The following DYNC2I1 variants were observed in gnomAD, a reference collection of about 807,000 sequenced individuals.
The protein encoded by DYNC2I1 is dynein 2 intermediate chain 1.
DYNC2I1 carries 89 observed loss-of-function variants against 133.4 expected under a neutral mutation model. That is an observed-to-expected ratio of 0.67 (90% CI 0.56 to 0.80). DYNC2I1 has a LOEUF of 0.80. DYNC2I1 is among the 30% of genes least tolerant of loss of function. DYNC2I1 has a pLI of 0.00. For missense variants in DYNC2I1, 1,291 were observed against 1,314.5 expected (o/e 0.98, Z 0.28); for synonymous variants, 504 against 484.3 (o/e 1.04, Z -0.54).
At chr7:158,878,614 C>CA (rs1843635863) in intron 4 of DYNC2I1, among the ~76,000 whole-genome samples, 1 of 109,230 alleles carries the variant, frequency 9.2e-6, no homozygotes, top group African/African-American at 3.6e-5. Context: ...CTGTGAATGC[C>CA]GGGTGCCATG....
intron 6 of DYNC2I1, among the ~76,000 whole-genome samples, chr7:158,885,846 T>G (rs1844545819): frequency 6.6e-6 from 1 of 152,134 alleles, no homozygotes; most frequent in Admixed American, 6.5e-5. Flanking sequence ...AGACTTTTTT[T>G]GCTCAATTCT....
chr7:158,858,491 C>A (rs1192509794), intron 1 of DYNC2I1, among the ~76,000 whole-genome samples: 1 of 152,140 alleles, frequency 6.6e-6, no homozygotes, highest in Non-Finnish European at 1.5e-5. Flanking sequence ...TGGACCATGT[C>A]TTTCATAAAT....
In DYNC2I1 at chr7:158,902,589, A is replaced by G. The variant is rs1006182282; in HGVS notation, c.1351A>G (p.Arg451Gly). 5 of 1,613,338 alleles carry G rather than the reference A, an allele frequency of 3.1e-6. No individual in the cohort carries two copies. Among genetic ancestry groups the G allele is most frequent in the Admixed American group, 1.7e-5 (1 of 59,826 alleles). Residue 451 changes from arginine to glycine, a missense_variant, in exon 10 of 25, where the codon AGG (arginine) becomes GGG (glycine). By Grantham distance (125) the Arg-to-Gly change is moderately radical. Transcript: ENST00000407559. ...TAGAACAGAATTTGAAAAGGAGCCC[A>G]GGACAGGTAAACAAATCAATGCTAC... ...RGRTEFEKEP[R>G]TDTNSSPSRA...
intron 8 of DYNC2I1, among the ~76,000 whole-genome samples, chr7:158,897,064 G>C (rs1309270539): frequency 6.7e-6 from 1 of 150,114 alleles, no homozygotes; most frequent in Non-Finnish European, 1.5e-5. Context: ...GATCGCTGCA[G>C]CCTCCACCTC....
intron 14 of DYNC2I1, among the ~76,000 whole-genome samples, chr7:158,916,914 A>G (rs1427814589): frequency 7.1e-5 from 6 of 84,486 alleles, no homozygotes; most frequent in African/African-American, 2.5e-4. Context: ...GGTGGTTGAG[A>G]TTAAGGATGA....
chr7:158,849,799 G>A, the DYNC2I1 span, among the ~76,000 whole-genome samples: 1 of 152,210 alleles, frequency 6.6e-6, no homozygotes, highest in African/African-American at 2.4e-5. Context: ...GCCCTGCTCT[G>A]GCTGAGCCCA....
chr7:158,887,198 C>A, intron 7 of DYNC2I1, 123 bp downstream of exon 7: 2 of 935,708 alleles, frequency 2.1e-6, no homozygotes, highest in South Asian at 3.0e-5. Context: ...ATGGTTTATT[C>A]GAGTGGTGAT....
At chr7:158,928,700 C>A (rs1849874218) in intron 20 of DYNC2I1, among the ~76,000 whole-genome samples, 1 of 152,064 alleles carries the variant, frequency 6.6e-6, no homozygotes, top group Admixed American at 6.6e-5. Flanking sequence ...GCTAGGGAGC[C>A]TGGGCAGGGG....
the DYNC2I1 span, among the ~76,000 whole-genome samples, chr7:158,840,279 G>A: frequency 2.0e-5 from 3 of 151,938 alleles, no homozygotes; most frequent in Non-Finnish European, 2.9e-5. Context: ...AAGAAAAAAT[G>A]GTTTTGGCCG....
chr7:158,917,173 G>C (rs1848464307), intron 14 of DYNC2I1, among the ~76,000 whole-genome samples: 1 of 141,662 alleles, frequency 7.1e-6, no homozygotes, highest in Non-Finnish European at 1.5e-5. Flanking sequence ...TTGACACGTG[G>C]TTGACATTAA....
chr7:158,908,155 G>A (rs1206925113), intron 11 of DYNC2I1, among the ~76,000 whole-genome samples: 3 of 151,998 alleles, frequency 2.0e-5, no homozygotes, highest in Non-Finnish European at 2.9e-5. Flanking sequence ...GCATTTGTGT[G>A]TTGTAAGGAA....
Position 158,930,813 on chromosome 7 carries a change from G to A in DYNC2I1, c.2546+298G>A, listed in dbSNP as rs186741323. On this transcript the variant is annotated intron_variant, in intron 21 of 24. Coordinates refer to ENST00000407559, the MANE Select transcript of DYNC2I1 (RefSeq NM_018051.5). ...CTTCTGAGTAGCTGGGATTACAGGCGCCTGCCACCGTGCCCGGCTAATTTT... is the reference window on the plus strand; with the variant it reads ...CTTCTGAGTAGCTGGGATTACAGGCACCTGCCACCGTGCCCGGCTAATTTT... 6.9e-3 allele frequency among the ~76,000 whole-genome samples: 1,048 copies of A among 152,084 alleles called. 10 individuals are homozygous for A. The highest frequency in any genetic ancestry group is 0.024 in the African/African-American group (988 of 41,462).
Position 158,924,391 on chromosome 7 carries a change from A to G in DYNC2I1, c.2257+658A>G, listed in dbSNP as rs541753802. ...GTAGGGGTTGGGGCGCTGTGGACTG[A>G]AGGTGCAGGCCGAGGTCATCACTCA... On this transcript the variant is annotated intron_variant, in intron 17 of 24. Transcript: ENST00000407559. Among the ~76,000 whole-genome samples the G allele has an allele frequency of 2.0e-5, 3 of 152,322 alleles. No homozygotes were observed. The South Asian group carries it at 6.2e-4, about 32-fold the overall frequency.
intron 15 of DYNC2I1, among the ~76,000 whole-genome samples, chr7:158,919,714 C>T (rs985488238): frequency 1.3e-5 from 2 of 152,214 alleles, no homozygotes; most frequent in African/African-American, 4.8e-5. Context: ...TGTCTTTTAA[C>T]GTTAACAAAA....
At chr7:158,852,149 G>A (rs1284653745), upstream of DYNC2I1, among the ~76,000 whole-genome samples, 19 of 151,384 alleles carry the variant, frequency 1.3e-4, no homozygotes, top group Non-Finnish European at 4.4e-5. Flanking sequence ...TTTCTTAGAT[G>A]GAGTTTTGCT....
chr7:158,903,735 A>G (rs1846469087), intron 10 of DYNC2I1: 1 of 152,234 alleles, frequency 6.6e-6, no homozygotes, highest in Non-Finnish European at 1.5e-5. Context: ...CCACCAGCAC[A>G]CAGGATTTCC....
At chr7:158,908,077 G>A (rs1289181986) in intron 11 of DYNC2I1, among the ~76,000 whole-genome samples, 1 of 151,702 alleles carries the variant, frequency 6.6e-6, no homozygotes, top group Non-Finnish European at 1.5e-5. Flanking sequence ...AGGGATTGAT[G>A]ATAAATAAAA....
chr7:158,955,718 T>TC (rs1330808597), intron 4 of DYNC2I1, among the ~76,000 whole-genome samples: 1 of 152,168 alleles, frequency 6.6e-6, no homozygotes, highest in Admixed American at 6.5e-5. Context: ...GCCCGTGAGT[T>TC]CCCCACAGCA....
chr7:158,927,080 C>CT (rs1277280698), intron 20 of DYNC2I1, 37 bp downstream of exon 20: 1 of 1,460,086 alleles, frequency 6.8e-7, no homozygotes, highest in East Asian at 2.4e-5. Flanking sequence ...TTAGTGTTTT[C>CT]TAAAATGAAT....
Sources: gnomAD v4.1 joint callset for allele counts (sites outside exome capture counted in the v4.1 genomes callset) on GRCh38, gnomAD v4.1.1 for gene constraint, MANE v1.5 for transcripts, NCBI Gene and HGNC (gene_info 2026-07-23, HGNC 2026-07-21) for gene names.